TIPIN: variants seen among roughly 807,000 people sequenced by gnomAD.
The protein encoded by TIPIN is TIMELESS-interacting protein.
A neutral mutation model predicts 35.6 loss-of-function variants in TIPIN; 29 were observed. The ratio of observed to expected loss-of-function variants is 0.82; its 90% CI spans 0.61 to 1.11. TIPIN has a LOEUF of 1.11. Among genes scored for constraint, TIPIN ranks in the 50% most tolerant of loss-of-function variants. TIPIN has a pLI of 0.00. For synonymous variants in TIPIN, 102 were observed against 121.5 expected, an observed-to-expected ratio of 0.84 and a Z score of 1.06; for missense variants, 296 against 345.4, an observed-to-expected ratio of 0.86 and a Z score of 1.13.
intron 1 of TIPIN, among the ~76,000 whole-genome samples, chr15:66,381,653 A>G (rs967900617): frequency 4.6e-5 from 7 of 152,188 alleles, no homozygotes; most frequent in Admixed American, 1.3e-4. Flanking sequence ...TATGTTGATC[A>G]TTCTTCTGTA....
At position 66,341,248 on chromosome 15, in the gene TIPIN, A is replaced by G; in HGVS notation, c.584T>C (p.Leu195Pro). The G allele has an allele frequency of 6.2e-7, 1 of 1,613,878 alleles. No individual in the cohort carries two copies. Among genetic ancestry groups the G allele is most frequent in the Non-Finnish European group, 8.5e-7 (1 of 1,180,016 alleles). The change falls in exon 7 of 8, where the codon CTA (leucine) becomes CCA (proline). Residue 195 changes from leucine to proline, a missense_variant. Coordinates refer to ENST00000261881, the MANE Select transcript of TIPIN (RefSeq NM_017858.3). ...EMFASELSRS[L>P]TEEQQQRIER... Reference sequence around the variant, plus strand: ...AATTCTTTGTTGTTGCTCTTCTGTTAGGCTTCTACTTAACTCAGAAGCAAA... The same window carrying G: ...AATTCTTTGTTGTTGCTCTTCTGTTGGGCTTCTACTTAACTCAGAAGCAAA...
intron 4 of TIPIN, among the ~76,000 whole-genome samples, chr15:66,349,829 A>C (rs2093154850): frequency 1.3e-5 from 2 of 152,138 alleles, no homozygotes; most frequent in African/African-American, 4.8e-5. Context: ...GCAGTGAGCC[A>C]AGTTCACACC....
chr15:66,356,538 C>T, intron 1 of TIPIN, 101 bp downstream of exon 1: 2 of 914,868 alleles, frequency 2.2e-6, no homozygotes, highest in Admixed American at 6.2e-5. Flanking sequence ...TAGGCTTTCC[C>T]GCTAGTCTGT....
chr15:66,348,074 T>C (rs949772104), intron 6 of TIPIN, among the ~76,000 whole-genome samples: 11 of 149,974 alleles, frequency 7.3e-5, no homozygotes, highest in African/African-American at 2.7e-4. Flanking sequence ...AGTGGTGTGA[T>C]CCTGGTTCAC....
chr15:66,384,239 T>C (rs535195803), intron 1 of TIPIN, among the ~76,000 whole-genome samples: 1 of 151,794 alleles, frequency 6.6e-6, no homozygotes, highest in African/African-American at 2.4e-5. Flanking sequence ...CCTCGTGATC[T>C]GCCCACCTCA....
intron 1 of TIPIN, chr15:66,383,093 T>C (rs2093323799): frequency 1.7e-6 from 1 of 598,460 alleles, no homozygotes; most frequent in Non-Finnish European, 2.1e-6. Context: ...CATAGAATCA[T>C]AATATTTCAA....
At chr15:66,380,092 C>A (rs2093313298) in intron 1 of TIPIN, among the ~76,000 whole-genome samples, 1 of 151,066 alleles carries the variant, frequency 6.6e-6, no homozygotes, top group Non-Finnish European at 1.5e-5. Flanking sequence ...ACCTCCGCCT[C>A]TCAGGCTCAC....
intron 1 of TIPIN, among the ~76,000 whole-genome samples, chr15:66,366,535 C>T (rs1199717214): frequency 7.0e-6 from 1 of 143,224 alleles, no homozygotes; most frequent in Non-Finnish European, 1.5e-5. Flanking sequence ...AGGAGGATCA[C>T]GAGGTCAGGA....
At chr15:66,368,064 C>T (rs1286410064) in intron 1 of TIPIN, among the ~76,000 whole-genome samples, 1 of 151,874 alleles carries the variant, frequency 6.6e-6, no homozygotes, top group Admixed American at 6.6e-5. Flanking sequence ...GAACCCCTGA[C>T]CTTGTGATCT....
chr15:66,374,733 C>A (rs1458703254), intron 1 of TIPIN, among the ~76,000 whole-genome samples: 1 of 152,130 alleles, frequency 6.6e-6, no homozygotes, highest in Non-Finnish European at 1.5e-5. Flanking sequence ...GTGCCTGCCA[C>A]CACGCCCAGC....
intron 1 of TIPIN, among the ~76,000 whole-genome samples, chr15:66,383,967 T>C (rs934218495): frequency 4.6e-5 from 7 of 152,092 alleles, no homozygotes; most frequent in Admixed American, 1.3e-4. Context: ...ACCTCAAATA[T>C]ACACAATAAA....
intron 1 of TIPIN, among the ~76,000 whole-genome samples, chr15:66,367,529 G>C (rs2093261150): frequency 1.3e-5 from 2 of 151,592 alleles, no homozygotes. Context: ...GAAGTAGCTG[G>C]AACTACAGGC....
chr15:66,357,178 G>C (rs2093209570), upstream of TIPIN, among the ~76,000 whole-genome samples: 1 of 152,072 alleles, frequency 6.6e-6, no homozygotes, highest in Non-Finnish European at 1.5e-5. Flanking sequence ...TCCCACCTCA[G>C]CTTCCCAAAG....
upstream of TIPIN, among the ~76,000 whole-genome samples, chr15:66,361,196 G>C (rs1435437561): frequency 2.7e-5 from 4 of 150,138 alleles, no homozygotes; most frequent in Non-Finnish European, 4.4e-5. Flanking sequence ...AAAACTAGAA[G>C]TTTAGGATCA....
intron 1 of TIPIN, chr15:66,379,998 CTTTCTT>C (rs2093312426): frequency 7.0e-5 from 22 of 313,740 alleles, no homozygotes; most frequent in East Asian, 1.8e-4. Flanking sequence ...TTCTTTCTTT[CTTTCTT>C]TTTTTTTTTT....
At chr15:66,350,938 T>TAAAAA (rs35214451) in intron 4 of TIPIN, among the ~76,000 whole-genome samples, 5 of 82,386 alleles carry the variant, frequency 6.1e-5, no homozygotes, top group African/African-American at 5.0e-5. Context: ...GACTCCGTCT[T>TAAAAA]AAAAAAAAAA....
intron 1 of TIPIN, 136 bp downstream of exon 1, chr15:66,356,503 C>T: frequency 1.4e-6 from 1 of 714,298 alleles, no homozygotes; most frequent in Non-Finnish European, 1.7e-6. Flanking sequence ...ACCCCCCAAC[C>T]TCCTGACCCC....
At chr15:66,386,644 GCT>G (rs2093340156) in exon 1 of TIPIN, 3 of 174,652 alleles carry the variant, frequency 1.7e-5, no homozygotes, top group Non-Finnish European at 2.5e-5. Context: ...GGCCTGGAGA[GCT>G]CACCACACAG....
At chr15:66,364,894 AG>A (rs1337547011) in intron 1 of TIPIN, among the ~76,000 whole-genome samples, 1 of 145,108 alleles carries the variant, frequency 6.9e-6, no homozygotes, top group African/African-American at 2.5e-5. Flanking sequence ...TGAACCCGAG[AG>A]GGAGAAGTTG....
Sources: allele counts gnomAD v4.1 joint callset (sites outside exome capture counted in the v4.1 genomes callset), GRCh38; gene constraint gnomAD v4.1.1; transcripts MANE v1.5; gene names NCBI Gene and HGNC (gene_info 2026-07-23, HGNC 2026-07-21).